The following DMBT1 variants were observed in gnomAD, a reference collection of about 807,000 sequenced individuals.
The protein encoded by DMBT1 is deleted in malignant brain tumors 1.
In DMBT1, 198 loss-of-function variants were observed where a neutral mutation model predicts 252.9. That is an observed-to-expected ratio of 0.78 (90% CI 0.70 to 0.88). The LOEUF (loss-of-function observed/expected upper bound fraction) is 0.88. Ranked by LOEUF, DMBT1 falls within the 40% of genes least tolerant of loss-of-function variation. The pLI is 0.00. For synonymous variants in DMBT1, 990 were observed against 942.7 expected, an observed-to-expected ratio of 1.05 and a Z score of -0.92; for missense variants, 2,432 against 2,404.7, an observed-to-expected ratio of 1.01 and a Z score of -0.24.
At position 122,591,461 on chromosome 10, in the gene DMBT1, C is replaced by G; in HGVS notation, c.2138-18C>G. The stretch of plus-strand genomic sequence containing the variant: ...CCTCAACTTTAATTCTAGCCTTTGT[C>G]TTTGTTGCAATTTACAGACACGTTG... On this transcript the variant is annotated intron_variant, in intron 18 of 55. Coordinates refer to ENST00000338354, the MANE Select transcript of DMBT1 (RefSeq NM_001377530.1). The G allele has an allele frequency of 6.3e-7, 1 of 1,585,288 alleles. No homozygotes were observed. The highest frequency in any genetic ancestry group is 1.7e-5 in the Admixed American group (1 of 59,474).
chr10:122,592,134 C>T lies in DMBT1; in HGVS notation c.2177-138C>T. On this transcript the variant is annotated intron_variant, in intron 19 of 55. Transcript: ENST00000338354. ...TCCTTCCAGTATGATGAAGCTGAAC[C>T]TCTGGTTGCAGTCGTATTCAATCGT... The T allele has an allele frequency of 2.2e-6, 3 of 1,384,556 alleles. 1 individual carries two copies. The highest frequency in any genetic ancestry group is 2.0e-6 in the Non-Finnish European group (2 of 1,019,748). 85.8% of individuals were successfully genotyped at this position (1,384,556 alleles called of 1,614,324 possible). A position where few individuals can be genotyped will look rare whatever the true frequency, so the allele number is the denominator to read the frequency against.
At chr10:122,561,769 CCCCCCTCACTGTATCTT>C (rs1449660660) in intron 1 of DMBT1, among the ~76,000 whole-genome samples, 1 of 151,506 alleles carries the variant, frequency 6.6e-6, no homozygotes. Context: ...TCTCTCCCTG[CCCCCCTCACTGTATCTT>C]CCTGTCTTTC....
chr10:122,572,508 G>A (rs1292022931), intron 5 of DMBT1, 147 bp downstream of exon 5: 3 of 1,132,518 alleles, frequency 2.6e-6, no homozygotes, highest in South Asian at 1.3e-5. Flanking sequence ...CTTGTGCTGT[G>A]TATGTGCAAC....
chr10:122,585,943 A>T, intron 15 of DMBT1, 117 bp from the exon 16 acceptor site: 1 of 1,527,940 alleles, frequency 6.5e-7, no homozygotes, highest in Non-Finnish European at 8.8e-7. Context: ...TCATATTCAA[A>T]GGTGACTGCC....
chr10:122,563,889 G>T (rs1284164181), intron 1 of DMBT1, among the ~76,000 whole-genome samples: 1 of 152,200 alleles, frequency 6.6e-6, no homozygotes, highest in African/African-American at 2.4e-5. Flanking sequence ...GAATTGCATG[G>T]TGTCAGGTAG....
chr10:122,618,312 T>G lies in DMBT1; in HGVS notation c.5187T>G (p.His1729Gln). 6.2e-7 allele frequency: 1 copy of G among 1,613,842 alleles called. No homozygotes were observed. Among genetic ancestry groups the G allele is most frequent in the Non-Finnish European group, 8.5e-7 (1 of 1,179,774 alleles). The part of the protein sequence containing the change: ...HNGWLSHNCG[H>Q]HEDAGVICSA... ...GCTGGCTCTCCCACAACTGTGGCCA[T>G]CATGAAGATGCTGGTGTCATCTGCT... Residue 1729 changes from histidine (H) to glutamine (Q), a missense_variant, in exon 41 of 56, where the codon CAT becomes CAG. Physicochemically the swap from His to Gln is conservative, Grantham distance 24. This residue lies in a region of DMBT1 where 1,162 missense variants were observed against 1,169.0 expected (regional missense o/e 0.99). Coordinates refer to ENST00000338354, the MANE Select transcript of DMBT1 (RefSeq NM_001377530.1).
At chr10:122,619,592 T>A (rs923350859) in intron 42 of DMBT1, among the ~76,000 whole-genome samples, 11 of 152,208 alleles carry the variant, frequency 7.2e-5, no homozygotes, top group African/African-American at 2.7e-4. Context: ...GCCTTACAGG[T>A]TCAGGAAGTG....
At chr10:122,575,996 C>G (rs2097708517) in intron 6 of DMBT1, among the ~76,000 whole-genome samples, 1 of 152,154 alleles carries the variant, frequency 6.6e-6, no homozygotes, top group Non-Finnish European at 1.5e-5. Context: ...CCAAACCAAC[C>G]TTAGAGCTGC....
At chr10:122,600,403 C>T (rs190127216) in intron 27 of DMBT1, among the ~76,000 whole-genome samples, 3 of 152,218 alleles carry the variant, frequency 2.0e-5, no homozygotes, top group South Asian at 2.1e-4. Context: ...TTTTATATTC[C>T]GGACTCACAT....
At chr10:122,621,855 G>A (rs570801584) in intron 44 of DMBT1, among the ~76,000 whole-genome samples, 6 of 152,220 alleles carry the variant, frequency 3.9e-5, no homozygotes, top group East Asian at 1.9e-4. Context: ...GAGTGCAAAC[G>A]GGTATCTGTG....
rs2098234751 is a variant in DMBT1, at chr10:122,637,311, A to T, written c.6941A>T (p.Gln2314Leu). The T allele has an allele frequency of 6.2e-7, 1 of 1,601,732 alleles. No individual in the cohort carries two copies. Among genetic ancestry groups the T allele is most frequent in the Non-Finnish European group, 8.5e-7 (1 of 1,173,396 alleles). The change falls in exon 54 of 56, where the codon CAG (glutamine) becomes CTG (leucine). Residue 2314 changes from glutamine to leucine, a missense_variant and splice_region_variant. Physicochemically the swap from Gln to Leu is moderately radical, Grantham distance 113. Around this residue, in one of 3 missense-constraint regions of DMBT1, gnomAD observed 1,162 missense variants for 1,169.0 expected, o/e 0.99. Transcript: ENST00000338354. ...TACTCAGGCTGCGGCACCTTCAAGCAGGTAAGCCTGGGGCTTCCCATTCCA... is the reference window on the plus strand; with the variant it reads ...TACTCAGGCTGCGGCACCTTCAAGCTGGTAAGCCTGGGGCTTCCCATTCCA... ...IPYSGCGTFK[Q>L]ADNDTIDYSN...
intron 26 of DMBT1, 21 bp downstream of exon 26, chr10:122,599,118 G>T (rs1329087762): frequency 6.2e-7 from 1 of 1,613,826 alleles, no homozygotes; most frequent in Non-Finnish European, 8.5e-7. Context: ...AAGAACTTGG[G>T]ATCACTCTCT....
chr10:122,584,268 C>T lies in DMBT1; in HGVS notation c.1391-54C>T, dbSNP rs574167140. On this transcript the variant is annotated intron_variant, in intron 13 of 55. Coordinates refer to ENST00000338354, the MANE Select transcript of DMBT1 (RefSeq NM_001377530.1). Reference sequence around the variant, plus strand: ...TGTTTAGTTCCTTCCACCTTTGTTCCGATTTTGCCAGCTTCTGTATAGTGC... The same window carrying T: ...TGTTTAGTTCCTTCCACCTTTGTTCTGATTTTGCCAGCTTCTGTATAGTGC... 3.5e-3 allele frequency: 1,452 copies of T among 416,394 alleles called. 55 individuals carry two copies. The African/African-American group carries it at 0.04, about 11-fold the overall frequency. The allele number at this position is 416,394 out of a possible 1,614,324, so 25.8% of individuals were successfully genotyped here. A position where few individuals can be genotyped will look rare whatever the true frequency, so the allele number is the denominator to read the frequency against.
intron 9 of DMBT1, among the ~76,000 whole-genome samples, chr10:122,579,200 C>T (rs2097742434): frequency 6.6e-6 from 1 of 152,116 alleles, no homozygotes; most frequent in Admixed American, 6.5e-5. Context: ...ATGGGGACCT[C>T]ATCCCTGCCA....
chr10:122,561,208 G>A (rs1009755448), intron 1 of DMBT1, among the ~76,000 whole-genome samples: 3 of 152,170 alleles, frequency 2.0e-5, no homozygotes, highest in African/African-American at 4.8e-5. Context: ...CTATGAAAAC[G>A]GGCAGAAAGG....
At chr10:122,580,277 T>C (rs2133556516) in intron 10 of DMBT1, among the ~76,000 whole-genome samples, 1 of 152,282 alleles carries the variant, frequency 6.6e-6, no homozygotes, top group East Asian at 1.9e-4. Context: ...AACTCTGAAC[T>C]AAAGATGCTT....
Position 122,570,142 on chromosome 10 carries a change from C to T in DMBT1, c.92-20C>T, listed in dbSNP as rs763450608. On this transcript the variant is annotated intron_variant, in intron 2 of 55. Coordinates refer to ENST00000338354, the MANE Select transcript of DMBT1 (RefSeq NM_001377530.1). The stretch of plus-strand genomic sequence containing the variant: ...AAGCAAGGGCTACCATCAATGAGCT[C>T]TTCCTTTTCCACCTCGCAGCTTCAC... 2.0e-5 allele frequency: 32 copies of T among 1,587,740 alleles called. No homozygotes were observed. The highest frequency in any genetic ancestry group is 2.7e-5 in the Non-Finnish European group (31 of 1,156,228).
intron 26 of DMBT1, among the ~76,000 whole-genome samples, 168 bp from the exon 27 acceptor site, chr10:122,599,896 C>A (rs573322065): frequency 1.3e-5 from 2 of 152,228 alleles, no homozygotes; most frequent in East Asian, 1.9e-4. Flanking sequence ...TGCCTCGACC[C>A]CTTACATGGT....
rs1591407194 is a variant in DMBT1, at chr10:122,599,498, G to A, written c.3280+401G>A. Among the ~76,000 whole-genome samples, 2 of 152,200 alleles carry A rather than the reference G, an allele frequency of 1.3e-5. 1 individual carries two copies. Among genetic ancestry groups the A allele is most frequent in the African/African-American group, 4.8e-5 (2 of 41,458 alleles). On this transcript the variant is annotated intron_variant, in intron 26 of 55. Coordinates refer to ENST00000338354, the MANE Select transcript of DMBT1 (RefSeq NM_001377530.1). The stretch of plus-strand genomic sequence containing the variant: ...AACTAAAGATGCTTGTCTGAAAGTG[G>A]GTTCTCAGCTGAGACCCAGTGAGGA...
Sources: allele counts gnomAD v4.1 joint callset (sites outside exome capture counted in the v4.1 genomes callset), GRCh38; gene constraint gnomAD v4.1.1; regional missense constraint gnomAD v4.1.1; transcripts MANE v1.5; gene names NCBI Gene and HGNC (gene_info 2026-07-23, HGNC 2026-07-21).